Variants in PARD6G observed in about 807,000 individuals in gnomAD.
The protein encoded by PARD6G is par-6 family cell polarity regulator gamma.
PARD6G carries 7 observed loss-of-function variants against 10.7 expected under a neutral mutation model. The ratio of observed to expected loss-of-function variants is 0.66; its 90% CI spans 0.37 to 1.23. The LOEUF (loss-of-function observed/expected upper bound fraction) is 1.23, where lower values mean the gene tolerates loss of function less well. Among genes scored for constraint, PARD6G ranks in the 50% most tolerant of loss-of-function variants. The pLI is 0.02. For missense variants in PARD6G, 548 were observed against 571.8 expected, an observed-to-expected ratio of 0.96 and a Z score of 0.42; for synonymous variants, 287 against 269.4, an observed-to-expected ratio of 1.07 and a Z score of -0.64.
At chr18:80,186,546 CCTCA>C (rs1192018834) in intron 2 of PARD6G, among the ~76,000 whole-genome samples, 1 of 151,884 alleles carries the variant, frequency 6.6e-6, no homozygotes, top group Non-Finnish European at 1.5e-5. Flanking sequence ...ACGCGCACAC[CCTCA>C]CACACATGCA....
At position 80,179,057 on chromosome 18, in the gene PARD6G, G is replaced by A. The variant is rs112497166; in HGVS notation, c.296-18451C>T. Among the ~76,000 whole-genome samples, 573 of 152,128 alleles carry A rather than the reference G, an allele frequency of 3.8e-3. 4 individuals are homozygous for A. Among genetic ancestry groups the A allele is most frequent in the African/African-American group, 0.013 (519 of 41,488 alleles). On this transcript the variant is annotated intron_variant, in intron 2 of 2. Coordinates refer to ENST00000353265, the MANE Select transcript of PARD6G (RefSeq NM_032510.4). Reference sequence around the variant, plus strand: ...TTTCATATATTTTTTCCGAGGCCACGAAGAGGAGGAGCCTGTCACAAAGCG... The same window carrying A: ...TTTCATATATTTTTTCCGAGGCCACAAAGAGGAGGAGCCTGTCACAAAGCG...
chr18:80,238,982 A>T (rs1176915764), intron 1 of PARD6G, among the ~76,000 whole-genome samples: 2 of 152,130 alleles, frequency 1.3e-5, no homozygotes, highest in Non-Finnish European at 2.9e-5. Flanking sequence ...CTTTTTAATC[A>T]GCGAAAGCCT....
At chr18:80,220,673 T>C (rs1370184471) in intron 1 of PARD6G, among the ~76,000 whole-genome samples, 1 of 151,986 alleles carries the variant, frequency 6.6e-6, no homozygotes, top group African/African-American at 2.4e-5. Flanking sequence ...TGCAGTGGCA[T>C]AATCTTGGTT....
At chr18:80,214,176 G>A (rs904963934) in intron 1 of PARD6G, among the ~76,000 whole-genome samples, 1 of 152,014 alleles carries the variant, frequency 6.6e-6, no homozygotes, top group Admixed American at 6.6e-5. Flanking sequence ...GAATGATACC[G>A]GACAGGCGCG....
intron 1 of PARD6G, among the ~76,000 whole-genome samples, chr18:80,230,557 C>T (rs965568076): frequency 9.9e-5 from 15 of 152,174 alleles, no homozygotes; most frequent in Non-Finnish European, 2.1e-4. Context: ...CGTTGGCACT[C>T]GCAGAACTGC....
intron 2 of PARD6G, among the ~76,000 whole-genome samples, chr18:80,172,404 A>T (rs1246882489): frequency 7.1e-6 from 1 of 140,058 alleles, no homozygotes. Flanking sequence ...TTTGAGACAG[A>T]GTTTCAGTCT....
chr18:80,180,098 C>T lies in PARD6G; in HGVS notation c.296-19492G>A, dbSNP rs1017895242. On this transcript the variant is annotated intron_variant, in intron 2 of 2. Coordinates refer to ENST00000353265, the MANE Select transcript of PARD6G (RefSeq NM_032510.4). The surrounding 1 kb of genome is among the most constrained non-coding windows in gnomAD (Gnocchi z 5.6). ...AGAGGAAAGGGGAAGCTGAATGTCC[C>T]GTGGAAAAGTGGCACAGAGGCCTGG... 6.6e-6 allele frequency among the ~76,000 whole-genome samples: 1 copy of T among 152,186 alleles called. No homozygotes were observed. The highest frequency in any genetic ancestry group is 6.5e-5 in the Admixed American group (1 of 15,282).
chr18:80,237,862 G>A (rs1265237161), intron 1 of PARD6G, among the ~76,000 whole-genome samples: 1 of 152,164 alleles, frequency 6.6e-6, no homozygotes, highest in Non-Finnish European at 1.5e-5. Context: ...TGCTGGAGAG[G>A]ATATGGAGAA....
chr18:80,221,158 A>G (rs1242473612), intron 1 of PARD6G, among the ~76,000 whole-genome samples: 1 of 152,178 alleles, frequency 6.6e-6, no homozygotes, highest in Non-Finnish European at 1.5e-5. Context: ...CAAAATCAAA[A>G]TCAAACCTTC....
chr18:80,212,808 C>T (rs1266494454), intron 1 of PARD6G, among the ~76,000 whole-genome samples: 1 of 152,028 alleles, frequency 6.6e-6, no homozygotes, highest in Non-Finnish European at 1.5e-5. Context: ...TCACTTGAAC[C>T]CGGGAGGCAG....
intron 1 of PARD6G, among the ~76,000 whole-genome samples, chr18:80,224,796 G>A (rs1317204242): frequency 1.3e-5 from 2 of 151,948 alleles, no homozygotes; most frequent in Admixed American, 6.6e-5. Context: ...GCAGTGAGCC[G>A]AGATCGCGCC....
intron 1 of PARD6G, among the ~76,000 whole-genome samples, chr18:80,222,737 G>A (rs750253995): frequency 1.3e-5 from 2 of 152,142 alleles, no homozygotes; most frequent in Non-Finnish European, 2.9e-5. Flanking sequence ...GCAGTGGCAT[G>A]ATCTTGGCTC....
At chr18:80,195,963 T>C (rs1440186543) in intron 2 of PARD6G, among the ~76,000 whole-genome samples, 3 of 151,926 alleles carry the variant, frequency 2.0e-5, no homozygotes, top group African/African-American at 7.2e-5. Context: ...AGTGGTCCCC[T>C]GGCAATATAT....
chr18:80,236,425 C>T (rs1967423466), intron 1 of PARD6G, among the ~76,000 whole-genome samples: 1 of 152,124 alleles, frequency 6.6e-6, no homozygotes, highest in African/African-American at 2.4e-5. Context: ...GGAAGCATTC[C>T]CTTTGAAAAC....
At chr18:80,236,675 T>G (rs1038652031) in intron 1 of PARD6G, among the ~76,000 whole-genome samples, 4 of 152,214 alleles carry the variant, frequency 2.6e-5, no homozygotes, top group Admixed American at 6.5e-5. Context: ...AAAATCGATG[T>G]GCAGAAATCA....
At chr18:80,160,744 GGCTGA>G (rs140418131) in intron 2 of PARD6G, 138 bp from the exon 3 acceptor site, 4 of 1,082,382 alleles carry the variant, frequency 3.7e-6, no homozygotes, top group Non-Finnish European at 3.6e-6. Flanking sequence ...CAGACCTGCA[GGCTGA>G]GCTGAAATCA....
Position 80,247,147 on chromosome 18 carries a change from C to T in PARD6G, c.72+130G>A. On this transcript the variant is annotated intron_variant, in intron 1 of 2. Coordinates refer to ENST00000353265, the MANE Select transcript of PARD6G (RefSeq NM_032510.4). This position sits in a 1 kb window ranked among gnomAD's most constrained non-coding sequence, Gnocchi z 4.2. Reference sequence around the variant, plus strand: ...AGTGCGCGTCCCGCGGAGCGGCGCGCGGCGCCCGAACTGGAAAGTTGTCGC... The same window carrying T: ...AGTGCGCGTCCCGCGGAGCGGCGCGTGGCGCCCGAACTGGAAAGTTGTCGC... 1.7e-6 allele frequency: 1 copy of T among 587,186 alleles called. No homozygotes were observed. The highest frequency in any genetic ancestry group is 2.6e-6 in the Non-Finnish European group (1 of 377,428). 36.4% of individuals were successfully genotyped at this position (587,186 alleles called of 1,614,324 possible). A position where few individuals can be genotyped will look rare whatever the true frequency, so the allele number is the denominator to read the frequency against.
rs902889289 is a variant in PARD6G at position 80,183,843 on chromosome 18, A to G, written c.295+18867T>C. ...TTTAAATGCCCCAAGTCAGAAGTCAATTGGATGTCTCTGTCTGAGCTGAGA... is the reference window on the plus strand; with the variant it reads ...TTTAAATGCCCCAAGTCAGAAGTCAGTTGGATGTCTCTGTCTGAGCTGAGA... On this transcript the variant is annotated intron_variant, in intron 2 of 2. Transcript: ENST00000353265. The surrounding 1 kb of genome is among the most constrained non-coding windows in gnomAD (Gnocchi z 4.5). 1 of 152,300 alleles carries G rather than the reference A, an allele frequency of 6.6e-6. No individual in the cohort carries two copies. Among genetic ancestry groups the G allele is most frequent in the African/African-American group, 2.4e-5 (1 of 41,462 alleles). 9.4% of individuals were successfully genotyped at this position (152,300 alleles called of 1,614,324 possible).
chr18:80,212,829 G>A (rs923418277), intron 1 of PARD6G, among the ~76,000 whole-genome samples: 40 of 152,050 alleles, frequency 2.6e-4, no homozygotes, highest in African/African-American at 9.4e-4. Flanking sequence ...AGGTTGCAGT[G>A]AGCCGAGATT....
Sources: allele counts gnomAD v4.1 joint callset (sites outside exome capture counted in the v4.1 genomes callset), GRCh38; gene constraint gnomAD v4.1.1; non-coding constraint Gnocchi (gnomAD v3.1); transcripts MANE v1.5; gene names NCBI Gene and HGNC (gene_info 2026-07-23, HGNC 2026-07-21).